Variants in DLC1 observed in about 807,000 individuals in gnomAD.
DLC1 encodes rho GTPase-activating protein 7.
DLC1 carries 54 observed loss-of-function variants against 140.3 expected under a neutral mutation model. That is an observed-to-expected ratio of 0.38 (90% CI 0.31 to 0.48). The LOEUF is 0.48. DLC1 is among the 20% of genes least tolerant of loss of function. DLC1 has a pLI of 0.96. For synonymous variants in DLC1, 986 were observed against 728.1 expected, an observed-to-expected ratio of 1.35 and a Z score of -5.70; for missense variants, 2,536 against 1,907.0, an observed-to-expected ratio of 1.33 and a Z score of -6.14.
chr8:13,445,475 G>C (rs17093498), intron 2 of DLC1, among the ~76,000 whole-genome samples: 1 of 152,046 alleles, frequency 6.6e-6, no homozygotes, highest in Non-Finnish European at 1.5e-5. Context: ...AGCCTGTAGT[G>C]TCCAACATTC....
intron 2 of DLC1, among the ~76,000 whole-genome samples, chr8:13,432,605 G>C (rs1838930783): frequency 6.6e-6 from 1 of 152,184 alleles, no homozygotes; most frequent in Non-Finnish European, 1.5e-5. Context: ...CACCCATGGA[G>C]GCTGGAAAAT....
At chr8:13,603,157 A>G (rs1805943646) in intron 1 of DLC1, among the ~76,000 whole-genome samples, 1 of 151,892 alleles carries the variant, frequency 6.6e-6, no homozygotes, top group South Asian at 2.1e-4. Context: ...CTTAAGTCAC[A>G]CGGAATAATA....
chr8:13,491,615 T>C (rs1178131098), intron 2 of DLC1, among the ~76,000 whole-genome samples: 1 of 152,232 alleles, frequency 6.6e-6, no homozygotes, highest in Non-Finnish European at 1.5e-5. Context: ...CGTTTGCTAT[T>C]GACTAATTAG....
chr8:13,473,326 C>T (rs978005913), intron 2 of DLC1, among the ~76,000 whole-genome samples: 1 of 152,240 alleles, frequency 6.6e-6, no homozygotes, highest in Admixed American at 6.5e-5. Context: ...AGGTCTTTCC[C>T]ATGCTGTTCC....
intron 1 of DLC1, among the ~76,000 whole-genome samples, chr8:13,508,094 G>A (rs1180443931): frequency 6.6e-6 from 1 of 152,184 alleles, no homozygotes; most frequent in African/African-American, 2.4e-5. Flanking sequence ...AAAACTGCAA[G>A]CTATTATTTC....
intron 1 of DLC1, among the ~76,000 whole-genome samples, chr8:13,601,326 C>T (rs1031513399): frequency 6.6e-6 from 1 of 151,736 alleles, no homozygotes; most frequent in Non-Finnish European, 1.5e-5. Flanking sequence ...TCTTATACTT[C>T]AGTGTATAGG....
chr8:13,377,185 G>C (rs1044500140), intron 4 of DLC1, among the ~76,000 whole-genome samples: 1 of 152,132 alleles, frequency 6.6e-6, no homozygotes, highest in African/African-American at 2.4e-5. Flanking sequence ...TCTTATTTCT[G>C]TTTGAATTTA....
intron 4 of DLC1, among the ~76,000 whole-genome samples, chr8:13,378,087 TTTA>T (rs1247606023): frequency 6.8e-6 from 1 of 146,762 alleles, no homozygotes; most frequent in East Asian, 2.0e-4. Flanking sequence ...TAAATTTTAT[TTTA>T]TTATTATACT....
At chr8:13,299,050 G>A (rs760144138) in intron 5 of DLC1, among the ~76,000 whole-genome samples, 1 of 152,056 alleles carries the variant, frequency 6.6e-6, no homozygotes, top group Non-Finnish European at 1.5e-5. Flanking sequence ...TGACTAAAAT[G>A]CAGTGTTACT....
intron 5 of DLC1, among the ~76,000 whole-genome samples, chr8:13,222,268 C>T (rs1828594889): frequency 1.3e-5 from 2 of 151,958 alleles, no homozygotes; most frequent in Non-Finnish European, 2.9e-5. Flanking sequence ...TAGAGAAACC[C>T]ACATTTTCAA....
intron 1 of DLC1, among the ~76,000 whole-genome samples, chr8:13,595,892 C>G (rs575245811): frequency 6.6e-6 from 1 of 151,878 alleles, no homozygotes; most frequent in Admixed American, 6.6e-5. Flanking sequence ...GATAATTGCA[C>G]GTTACCACAT....
At chr8:13,556,203 C>G (rs981690920) in intron 1 of DLC1, among the ~76,000 whole-genome samples, 1 of 152,186 alleles carries the variant, frequency 6.6e-6, no homozygotes, top group African/African-American at 2.4e-5. Context: ...CTTTATGATG[C>G]AAATTCTGAT....
chr8:13,192,585 T>C (rs1826824262), intron 5 of DLC1, among the ~76,000 whole-genome samples: 2 of 152,214 alleles, frequency 1.3e-5, no homozygotes, highest in South Asian at 2.1e-4. Flanking sequence ...CTCTAGTCTG[T>C]AATTTTCATT....
chr8:13,527,082 T>C (rs1426014319), intron 1 of DLC1, among the ~76,000 whole-genome samples: 1 of 152,228 alleles, frequency 6.6e-6, no homozygotes, highest in African/African-American at 2.4e-5. Flanking sequence ...GATCATATTG[T>C]ACGTGAATAG....
chr8:13,365,321 T>C (rs1472321106), intron 4 of DLC1, among the ~76,000 whole-genome samples: 4 of 152,176 alleles, frequency 2.6e-5, no homozygotes, highest in African/African-American at 9.7e-5. Context: ...TACTATTATC[T>C]AAGGTGCACG....
At chr8:13,318,523 C>T (rs1324130613) in intron 4 of DLC1, among the ~76,000 whole-genome samples, 1 of 152,166 alleles carries the variant, frequency 6.6e-6, no homozygotes, top group Non-Finnish European at 1.5e-5. Context: ...CTCTTCTATC[C>T]AGCCTCTTTA....
intron 1 of DLC1, among the ~76,000 whole-genome samples, chr8:13,556,443 C>G (rs1804048200): frequency 6.6e-6 from 1 of 152,180 alleles, no homozygotes; most frequent in Non-Finnish European, 1.5e-5. Context: ...GGGGTTTTGA[C>G]AAGTGATTCT....
At chr8:13,597,640 G>A (rs979392311) in intron 1 of DLC1, among the ~76,000 whole-genome samples, 1 of 151,924 alleles carries the variant, frequency 6.6e-6, no homozygotes, top group African/African-American at 2.4e-5. Context: ...TGCTTAAATG[G>A]AATTATGGGA....
chr8:13,094,205 C>G (rs1398678877), intron 12 of DLC1, among the ~76,000 whole-genome samples: 1 of 152,136 alleles, frequency 6.6e-6, no homozygotes, highest in Non-Finnish European at 1.5e-5. Context: ...TCTAACTTTT[C>G]ATTTTGCACG....
Sources: gnomAD v4.1 joint callset for allele counts (sites outside exome capture counted in the v4.1 genomes callset) on GRCh38, gnomAD v4.1.1 for gene constraint, MANE v1.5 for transcripts, NCBI Gene and HGNC (gene_info 2026-07-23, HGNC 2026-07-21) for gene names.